Variants in MYO9A observed in about 807,000 individuals in gnomAD.
MYO9A encodes myosin IXA.
Under a neutral mutation model 293.3 loss-of-function variants are expected in MYO9A, and 103 were observed. The ratio of observed to expected loss-of-function variants is 0.35; its 90% CI spans 0.30 to 0.41. The LOEUF (loss-of-function observed/expected upper bound fraction) is 0.41. Ranked by LOEUF, MYO9A falls within the 10% of genes least tolerant of loss-of-function variation. MYO9A has a pLI of 1.00. For missense variants in MYO9A, 2,685 were observed against 3,033.0 expected, an observed-to-expected ratio of 0.89 and a Z score of 2.69; for synonymous variants, 1,001 against 1,035.7, an observed-to-expected ratio of 0.97 and a Z score of 0.64.
rs142121573 is a variant in MYO9A, at chr15:71,850,107, C to A, written c.6642G>T (p.Ala2214=). Residue 2214 remains alanine, a synonymous_variant, in exon 38 of 42, where the codon GCG becomes GCT. Transcript: ENST00000356056. ...TGTCAGGGCAGCGGAGAATGCAGGG[C>A]GCAAACACAATGGCCAAAGCATTAG... is the stretch of plus-strand genomic sequence containing the variant. ...MSANALAIVF[A]PCILRCPDTT... The A allele has an allele frequency of 3.7e-6, 6 of 1,614,032 alleles. No homozygotes were observed. The South Asian group carries it at 6.6e-5, about 18-fold the overall frequency.
At chr15:71,973,557 G>A (rs1338659298) in intron 12 of MYO9A, among the ~76,000 whole-genome samples, 1 of 152,004 alleles carries the variant, frequency 6.6e-6, no homozygotes, top group African/African-American at 2.4e-5. Flanking sequence ...CCAGCATAGT[G>A]GACTGGATAA....
At chr15:71,973,884 A>G (rs1311899555) in intron 12 of MYO9A, among the ~76,000 whole-genome samples, 1 of 152,186 alleles carries the variant, frequency 6.6e-6, no homozygotes, top group Non-Finnish European at 1.5e-5. Flanking sequence ...CAAAATGCCA[A>G]TAAGAACTGT....
intron 18 of MYO9A, among the ~76,000 whole-genome samples, chr15:71,927,275 AG>A (rs2058337336): frequency 6.6e-6 from 1 of 152,264 alleles, no homozygotes; most frequent in African/African-American, 2.4e-5. Context: ...CCATATGCAT[AG>A]TCTGCAAATA....
chr15:71,915,075 C>T (rs1462904891), intron 19 of MYO9A, among the ~76,000 whole-genome samples: 2 of 152,022 alleles, frequency 1.3e-5, no homozygotes, highest in African/African-American at 4.8e-5. Context: ...AAAAAATATG[C>T]TAATAAACTA....
chr15:72,029,587 T>C (rs1299585151), intron 3 of MYO9A, among the ~76,000 whole-genome samples: 1 of 152,198 alleles, frequency 6.6e-6, no homozygotes, highest in Non-Finnish European at 1.5e-5. Flanking sequence ...GTGTGGTGTA[T>C]GACCCAAGTT....
In MYO9A at chr15:71,878,053, C is replaced by A. The variant is rs756856436; in HGVS notation, c.5918G>T (p.Cys1973Phe). The change falls in exon 31 of 42, where the codon TGC becomes TTC. Residue 1973 changes from cysteine to phenylalanine, a missense_variant. Around this residue, in one of 10 missense-constraint regions of MYO9A, gnomAD observed 1,434 missense variants for 1,497.7 expected, o/e 0.96. Transcript: ENST00000356056. ...TATCACATTTACCTTTGTGGCTGTG[C>A]AATCTGAAGTCTTGAATTCATTCAT... The part of the protein sequence containing the change: ...EYMNEFKTSD[C>F]TATKVPKTER... 2 of 1,598,406 alleles carry A rather than the reference C, an allele frequency of 1.3e-6. No individual in the cohort carries two copies. The highest frequency in any genetic ancestry group is 2.7e-5 in the African/African-American group (2 of 73,940).
chr15:71,958,740 C>G (rs999683082), intron 14 of MYO9A: 7 of 152,020 alleles, frequency 4.6e-5, no homozygotes, highest in South Asian at 2.1e-4. Context: ...GAAGGGAAAA[C>G]AAGATTAGAA....
chr15:71,913,779 T>C (rs1360829016), intron 19 of MYO9A, among the ~76,000 whole-genome samples: 2 of 152,202 alleles, frequency 1.3e-5, no homozygotes, highest in East Asian at 3.8e-4. Flanking sequence ...ACTTAATTTT[T>C]AGTTTTGTGA....
In MYO9A at chr15:71,917,528, C is replaced by A. The variant is rs533947510; in HGVS notation, c.2563-1036G>T. 2.6e-5 allele frequency among the ~76,000 whole-genome samples: 4 copies of A among 152,200 alleles called. No individual in the cohort carries two copies. In the South Asian group the frequency reaches 8.3e-4, roughly 32 times the overall value. On this transcript the variant is annotated intron_variant, in intron 18 of 41. Transcript: ENST00000356056. The stretch of plus-strand genomic sequence containing the variant: ...CCAGCCCGGGCAACAGTGAGAGACT[C>A]TGTCAAAAACAAAAAACAAAAAAAC...
intron 1 of MYO9A, among the ~76,000 whole-genome samples, chr15:72,096,308 G>A (rs574185108): frequency 2.2e-4 from 33 of 152,190 alleles, no homozygotes; most frequent in East Asian, 3.9e-4. Flanking sequence ...ACCGCACTCC[G>A]GCCTGGGCAA....
intron 8 of MYO9A, among the ~76,000 whole-genome samples, chr15:72,004,245 A>T (rs1354149561): frequency 1.3e-5 from 2 of 152,198 alleles, no homozygotes; most frequent in African/African-American, 2.4e-5. Context: ...ACCTAATTAA[A>T]AATCTGATAT....
chr15:71,832,656 G>T (rs1045135103), intron 39 of MYO9A, among the ~76,000 whole-genome samples: 7 of 152,158 alleles, frequency 4.6e-5, no homozygotes, highest in African/African-American at 1.7e-4. Context: ...ACTAAGAGGA[G>T]AATCTCACAC....
chr15:71,998,340 C>T (rs1023215084), intron 9 of MYO9A, among the ~76,000 whole-genome samples: 4 of 151,988 alleles, frequency 2.6e-5, no homozygotes, highest in African/African-American at 9.7e-5. Flanking sequence ...AAGTAACTAA[C>T]GGGTAGTAGG....
chr15:71,920,855 A>AAG (rs2058138261), intron 18 of MYO9A, among the ~76,000 whole-genome samples: 4 of 152,138 alleles, frequency 2.6e-5, no homozygotes, highest in Non-Finnish European at 5.9e-5. Flanking sequence ...GCTGGGGCAC[A>AAG]AGAACTGCTT....
intron 12 of MYO9A, among the ~76,000 whole-genome samples, chr15:71,972,757 A>G (rs943918581): frequency 2.0e-5 from 3 of 152,208 alleles, no homozygotes; most frequent in Admixed American, 2.0e-4. Context: ...GTTTGGGAAG[A>G]AAAAGGATAA....
chr15:72,081,888 CTA>C (rs1226401684), intron 1 of MYO9A, among the ~76,000 whole-genome samples: 2 of 152,230 alleles, frequency 1.3e-5, no homozygotes, highest in African/African-American at 2.4e-5. Flanking sequence ...TTCCATTGGT[CTA>C]TATGTCTATT....
At chr15:71,936,095 A>T (rs1280039145) in intron 16 of MYO9A, among the ~76,000 whole-genome samples, 2 of 152,186 alleles carry the variant, frequency 1.3e-5, no homozygotes, top group African/African-American at 4.8e-5. Flanking sequence ...TGGATAAAGA[A>T]AATGTGGTAT....
At position 71,854,459 on chromosome 15, in the gene MYO9A, C is replaced by G. The variant is rs763871736; in HGVS notation, c.6264G>C (p.Met2088Ile). The G allele has an allele frequency of 5.0e-6, 8 of 1,613,620 alleles. No homozygotes were observed. Among genetic ancestry groups the G allele is most frequent in the Non-Finnish European group, 6.8e-6 (8 of 1,179,730 alleles). ...AAATACCTTCTGTATACAGTCCATG[C>G]ATTTCAATGTAGTTTATGAGCTTTT... is the stretch of plus-strand genomic sequence containing the variant. ...VVEKLINYIE[M>I]HGLYTEGIYR... is the part of the protein sequence containing the mutation. The change falls in exon 35 of 42, where the codon ATG becomes ATC. Residue 2088 changes from methionine to isoleucine, a missense_variant. By Grantham distance (10) the Met-to-Ile change is conservative. Coordinates refer to ENST00000356056, the MANE Select transcript of MYO9A (RefSeq NM_006901.4).
At chr15:72,098,288 A>G (rs2080132510) in intron 1 of MYO9A, among the ~76,000 whole-genome samples, 1 of 151,890 alleles carries the variant, frequency 6.6e-6, no homozygotes, top group South Asian at 2.1e-4. Flanking sequence ...AGTTTCATGG[A>G]AAAACCCACA....
Sources: allele counts gnomAD v4.1 joint callset (sites outside exome capture counted in the v4.1 genomes callset), GRCh38; gene constraint gnomAD v4.1.1; regional missense constraint gnomAD v4.1.1; transcripts MANE v1.5; gene names NCBI Gene and HGNC (gene_info 2026-07-23, HGNC 2026-07-21).